Variants in EHF observed in about 807,000 individuals in gnomAD.
EHF encodes ESE3 transcription factor.
A neutral mutation model predicts 45.1 loss-of-function variants in EHF; 14 were observed. That is an observed-to-expected ratio of 0.31 (90% confidence interval 0.21 to 0.49). The LOEUF (loss-of-function observed/expected upper bound fraction) is 0.49. Ranked by LOEUF, EHF falls within the 20% of genes least tolerant of loss-of-function variation. The pLI, the probability that EHF is intolerant of heterozygous loss-of-function variation, is 0.99. For missense variants in EHF, 282 were observed against 371.4 expected, an observed-to-expected ratio of 0.76 and a Z score of 1.98; for synonymous variants, 136 against 131.8, an observed-to-expected ratio of 1.03 and a Z score of -0.22.
At chr11:34,650,128 C>T (rs1590519819) in intron 4 of EHF, among the ~76,000 whole-genome samples, 1 of 152,174 alleles carries the variant, frequency 6.6e-6, no homozygotes, top group Non-Finnish European at 1.5e-5. Flanking sequence ...GCACCCCCTC[C>T]CCTGCTTGAC....
rs72919779 is a variant in EHF at position 34,661,215 on chromosome 11, T to C, written c.*2284T>C. 0.037 allele frequency among the ~76,000 whole-genome samples: 5,632 copies of C among 152,214 alleles called. 156 individuals carry two copies. Among genetic ancestry groups the C allele is most frequent in the Middle Eastern group, 0.082 (24 of 294 alleles). On this transcript the variant is annotated 3_prime_UTR_variant, in exon 9 of 9. Coordinates refer to ENST00000257831, the MANE Select transcript of EHF (RefSeq NM_012153.6). ...TTAAATATCCAGTTACTTGAATGGG[T>C]ATAACGCATGAATATTTGTGTGTCT...
rs767921870 is a variant in EHF, at chr11:34,662,155, C to A, written c.*3224C>A. ...TATTTTCCTGTTACCTAGCATGGGA[C>A]AAGTACACAACACATATTTGTTCAA... On this transcript the variant is annotated 3_prime_UTR_variant, in exon 9 of 9. Transcript: ENST00000257831. Among the ~76,000 whole-genome samples the A allele has an allele frequency of 2.0e-5, 3 of 152,078 alleles. No homozygotes were observed. Among genetic ancestry groups the A allele is most frequent in the Non-Finnish European group, 1.5e-5 (1 of 67,998 alleles).
chr11:34,650,226 C>T lies in EHF; in HGVS notation c.406+1145C>T, dbSNP rs183436426. 4.6e-4 allele frequency among the ~76,000 whole-genome samples: 70 copies of T among 152,224 alleles called. 1 individual carries two copies. Among genetic ancestry groups the T allele is most frequent in the African/African-American group, 1.6e-3 (65 of 41,536 alleles). ...ATTCCTTCTTGACCATCCAGACATTCTTGTGTTGCCAGTTCAGAAAAGCTG... is the reference window on the plus strand; with the variant it reads ...ATTCCTTCTTGACCATCCAGACATTTTTGTGTTGCCAGTTCAGAAAAGCTG... On this transcript the variant is annotated intron_variant, in intron 4 of 8. Coordinates refer to ENST00000257831, the MANE Select transcript of EHF (RefSeq NM_012153.6).
At chr11:34,631,330 C>T (rs1305334974) in intron 1 of EHF, among the ~76,000 whole-genome samples, 1 of 152,172 alleles carries the variant, frequency 6.6e-6, no homozygotes, top group East Asian at 1.9e-4. Context: ...CTGCGCCCGG[C>T]CAAAAAGAGA....
intron 6 of EHF, among the ~76,000 whole-genome samples, 189 bp downstream of exon 6, chr11:34,651,994 A>T (rs1209117342): frequency 6.6e-6 from 1 of 152,186 alleles, no homozygotes; most frequent in Non-Finnish European, 1.5e-5. Context: ...ACCCGTAGGG[A>T]TCCTCTAGGC....
In EHF at chr11:34,661,063, A is replaced by G. The variant is rs1435245078; in HGVS notation, c.*2132A>G. On this transcript the variant is annotated 3_prime_UTR_variant, in exon 9 of 9. Transcript: ENST00000257831. ...TACTGAAAGAGCTGAGAAAAAGAAC[A>G]ATGAACAGCAACGATCTTGACTGTG... 6.6e-6 allele frequency: 1 copy of G among 152,176 alleles called. No homozygotes were observed. Among genetic ancestry groups the G allele is most frequent in the African/African-American group, 2.4e-5 (1 of 41,464 alleles). The allele number at this position is 152,176 out of a possible 1,614,324, so 9.4% of individuals were successfully genotyped here. A position where few individuals can be genotyped will look rare whatever the true frequency, so the allele number is the denominator to read the frequency against.
intron 6 of EHF, among the ~76,000 whole-genome samples, chr11:34,656,050 C>T (rs1257975371): frequency 1.2e-5 from 1 of 81,274 alleles, no homozygotes; most frequent in Admixed American, 1.8e-4. Context: ...TTGGTCCTCC[C>T]AATACACACA....
intron 2 of EHF, among the ~76,000 whole-genome samples, chr11:34,645,219 G>GT (rs957006275): frequency 1.4e-4 from 21 of 152,200 alleles, no homozygotes; most frequent in East Asian, 5.8e-4. Context: ...ACTATGGAAT[G>GT]TTTTTTTAAG....
At chr11:34,653,714 T>C (rs1446063599) in intron 6 of EHF, among the ~76,000 whole-genome samples, 2 of 152,222 alleles carry the variant, frequency 1.3e-5, no homozygotes, top group Non-Finnish European at 2.9e-5. Flanking sequence ...TCAGAATAGT[T>C]TATAGTCTCT....
chr11:34,635,381 G>A (rs1853283369), intron 1 of EHF, among the ~76,000 whole-genome samples: 1 of 151,624 alleles, frequency 6.6e-6, no homozygotes, highest in Non-Finnish European at 1.5e-5. Flanking sequence ...CCAGTTCCCT[G>A]CCAGTGGCCC....
chr11:34,639,384 G>A (rs1164454873), intron 1 of EHF, among the ~76,000 whole-genome samples: 5 of 152,208 alleles, frequency 3.3e-5, no homozygotes, highest in Non-Finnish European at 7.3e-5. Flanking sequence ...GTCTACATTA[G>A]CATATGGGAG....
intron 2 of EHF, 135 bp from the exon 3 acceptor site, chr11:34,646,304 A>G: frequency 1.4e-6 from 2 of 1,395,956 alleles, no homozygotes; most frequent in South Asian, 2.7e-5. Context: ...CTTCTGCTCC[A>G]TCACCCATGC....
chr11:34,625,022 T>C (rs1443724047), intron 1 of EHF, among the ~76,000 whole-genome samples: 2 of 152,030 alleles, frequency 1.3e-5, no homozygotes, highest in Non-Finnish European at 2.9e-5. Flanking sequence ...GCTGTGGTGA[T>C]TGGGGGTGGT....
intron 1 of EHF, among the ~76,000 whole-genome samples, chr11:34,625,224 G>A (rs1273622792): frequency 2.0e-5 from 3 of 152,126 alleles, no homozygotes; most frequent in East Asian, 3.9e-4. Context: ...CTTTATTAAG[G>A]ATGTTAGAAT....
At chr11:34,627,052 T>C (rs1437063477) in intron 1 of EHF, among the ~76,000 whole-genome samples, 1 of 152,060 alleles carries the variant, frequency 6.6e-6, no homozygotes, top group African/African-American at 2.4e-5. Context: ...TCAATTTGGG[T>C]GTTTTCAGTG....
intron 2 of EHF, among the ~76,000 whole-genome samples, chr11:34,642,980 T>G (rs1472877372): frequency 1.3e-5 from 2 of 151,480 alleles, no homozygotes; most frequent in Admixed American, 1.3e-4. Context: ...TGAAGGGGGG[T>G]AGAAGAGATG....
chr11:34,657,661 G>A (rs865773890), intron 7 of EHF, among the ~76,000 whole-genome samples: 8 of 151,756 alleles, frequency 5.3e-5, no homozygotes, highest in Admixed American at 2.0e-4. Flanking sequence ...ATGGTGGCAC[G>A]TGCCTGTAGT....
At chr11:34,628,300 A>G (rs1852554209) in intron 1 of EHF, among the ~76,000 whole-genome samples, 1 of 152,184 alleles carries the variant, frequency 6.6e-6, no homozygotes, top group Non-Finnish European at 1.5e-5. Flanking sequence ...ATATGATATC[A>G]CACATTTATT....
chr11:34,637,432 G>A (rs1455934216), intron 1 of EHF, among the ~76,000 whole-genome samples: 1 of 152,194 alleles, frequency 6.6e-6, no homozygotes, highest in African/African-American at 2.4e-5. Context: ...ACCTGAAACT[G>A]CCCTTAAAAG....
Sources: allele counts gnomAD v4.1 joint callset (sites outside exome capture counted in the v4.1 genomes callset), GRCh38; gene constraint gnomAD v4.1.1; transcripts MANE v1.5; gene names NCBI Gene and HGNC (gene_info 2026-07-23, HGNC 2026-07-21).